Variants in ACCSL observed in about 807,000 individuals in gnomAD.
ACCSL encodes 1-aminocyclopropane-1-carboxylate synthase homolog (inactive) like.
A neutral mutation model predicts 61.7 loss-of-function variants in ACCSL; 55 were observed. The ratio of observed to expected loss-of-function variants is 0.89; its 90% CI spans 0.72 to 1.12. The LOEUF (loss-of-function observed/expected upper bound fraction) is 1.12, where lower values mean the gene tolerates loss of function less well. Ranked by LOEUF, ACCSL falls within the 50% of genes most tolerant of loss-of-function variation. ACCSL has a pLI of 0.00. For missense variants in ACCSL, 632 were observed against 698.0 expected (o/e 0.91, Z 1.07); for synonymous variants, 258 against 264.3 (o/e 0.98, Z 0.23).
chr11:44,054,025 CA>C (rs1438886459), intron 8 of ACCSL, among the ~76,000 whole-genome samples: 1 of 152,186 alleles, frequency 6.6e-6, no homozygotes, highest in Non-Finnish European at 1.5e-5. Context: ...ATTTATATAA[CA>C]GTCAAAATAT....
At chr11:44,028,100 A>T in the ACCSL span, among the ~76,000 whole-genome samples, 2 of 152,036 alleles carry the variant, frequency 1.3e-5, no homozygotes, top group Admixed American at 6.5e-5. Flanking sequence ...TAGGATTTTG[A>T]GGCTGCAGTA....
At chr11:43,956,292 C>G in the ACCSL span, among the ~76,000 whole-genome samples, 1 of 152,138 alleles carries the variant, frequency 6.6e-6, no homozygotes, top group Non-Finnish European at 1.5e-5. Flanking sequence ...TGCTATAGTT[C>G]ACAATGTACA....
the ACCSL span, among the ~76,000 whole-genome samples, chr11:44,011,323 A>T: frequency 6.6e-6 from 1 of 152,176 alleles, no homozygotes; most frequent in Non-Finnish European, 1.5e-5. Flanking sequence ...TCGTGGTCCT[A>T]GCTATGGATT....
At chr11:43,942,880 C>T in the ACCSL span, 6 of 1,292,002 alleles carry the variant, frequency 4.6e-6, no homozygotes, top group Non-Finnish European at 5.9e-6. Context: ...CCCCGCCGCC[C>T]GGCCCCGCAG....
At chr11:44,021,317 A>G in the ACCSL span, among the ~76,000 whole-genome samples, 1 of 152,094 alleles carries the variant, frequency 6.6e-6, no homozygotes. Flanking sequence ...CCATTCTTGC[A>G]GGAGTTAGGC....
the ACCSL span, among the ~76,000 whole-genome samples, chr11:44,006,394 T>C: frequency 1.3e-5 from 2 of 152,044 alleles, no homozygotes; most frequent in Non-Finnish European, 2.9e-5. Context: ...TGAGAGCCAG[T>C]GTGCATGGCT....
At chr11:44,042,626 GTT>G in the ACCSL span, among the ~76,000 whole-genome samples, 123 of 40,332 alleles carry the variant, frequency 3.0e-3, no homozygotes, top group Admixed American at 0.01. Context: ...CTTCCTGGTT[GTT>G]TTTTTTTTGT....
chr11:43,950,597 G>A, the ACCSL span, among the ~76,000 whole-genome samples: 1 of 152,174 alleles, frequency 6.6e-6, no homozygotes, highest in Non-Finnish European at 1.5e-5. Context: ...TAAGATAGTG[G>A]GTGTACCAGT....
the ACCSL span, among the ~76,000 whole-genome samples, chr11:44,027,834 G>A: frequency 6.6e-6 from 1 of 152,168 alleles, no homozygotes; most frequent in South Asian, 2.1e-4. Context: ...TTAGGACAAG[G>A]CATATATATA....
the ACCSL span, among the ~76,000 whole-genome samples, chr11:43,923,466 G>A: frequency 1.3e-5 from 2 of 152,058 alleles, no homozygotes; most frequent in African/African-American, 4.8e-5. Flanking sequence ...CCACCCACAC[G>A]CTCTCCTCAG....
chr11:44,027,796 T>G, the ACCSL span, among the ~76,000 whole-genome samples: 1 of 152,230 alleles, frequency 6.6e-6, no homozygotes, highest in Non-Finnish European at 1.5e-5. Flanking sequence ...GTATGCATAA[T>G]TTGTACACCA....
the ACCSL span, among the ~76,000 whole-genome samples, chr11:43,963,198 T>A: frequency 6.6e-6 from 1 of 152,310 alleles, no homozygotes; most frequent in African/African-American, 2.4e-5. Flanking sequence ...GTTCTATTCA[T>A]AGTGAAATAA....
At chr11:43,997,166 A>C in the ACCSL span, among the ~76,000 whole-genome samples, 1 of 151,622 alleles carries the variant, frequency 6.6e-6, no homozygotes, top group Non-Finnish European at 1.5e-5. Flanking sequence ...AAAAATCCCA[A>C]TGTCCAGGGG....
rs1361469612 is a variant in ACCSL at position 44,059,897 on chromosome 11, T to C, written c.1684T>C (p.Leu562=). 6.2e-7 allele frequency: 1 copy of C among 1,613,830 alleles called. No homozygotes were observed. The highest frequency in any genetic ancestry group is 1.1e-5 in the South Asian group (1 of 91,064). ...EQKEALIVKQ[L]EDAMRE is the part of the protein sequence containing the mutation. Reference sequence around the variant, plus strand: ...GAAGGAGGCTTTGATAGTGAAGCAGTTGGAGGATGCAATGAGGGAGTAGGC... The same window carrying C: ...GAAGGAGGCTTTGATAGTGAAGCAGCTGGAGGATGCAATGAGGGAGTAGGC... Residue 562 remains leucine (L), a synonymous_variant, in exon 14 of 14, where the codon TTG becomes CTG. Coordinates refer to ENST00000378832, the MANE Select transcript of ACCSL (RefSeq NM_001031854.2).
chr11:43,937,282 A>G, the ACCSL span, among the ~76,000 whole-genome samples: 5 of 152,228 alleles, frequency 3.3e-5, no homozygotes, highest in Non-Finnish European at 7.3e-5. Context: ...TACAGTGTCA[A>G]CAGACAAGAA....
the ACCSL span, among the ~76,000 whole-genome samples, chr11:44,022,611 T>C: frequency 6.6e-6 from 1 of 152,214 alleles, no homozygotes; most frequent in Admixed American, 6.5e-5. Flanking sequence ...TTTATTTCCT[T>C]TTCTTGTCTG....
the ACCSL span, among the ~76,000 whole-genome samples, chr11:43,952,851 C>A: frequency 8.3e-3 from 1,271 of 152,242 alleles, 16 homozygotes; most frequent in African/African-American, 0.029. Flanking sequence ...CACTTTGCTG[C>A]AGATGTGGCC....
At chr11:43,979,806 G>A in the ACCSL span, among the ~76,000 whole-genome samples, 6 of 139,462 alleles carry the variant, frequency 4.3e-5, no homozygotes, top group Non-Finnish European at 6.0e-5. Context: ...GAGATTGCGC[G>A]ACTGTGCTCC....
the ACCSL span, among the ~76,000 whole-genome samples, chr11:43,949,822 AC>A: frequency 0.01 from 1,288 of 124,844 alleles, 6 homozygotes; most frequent in Non-Finnish European, 0.015. Context: ...CTCAAAAAAA[AC>A]AAACAAACAA....
Sources: allele counts gnomAD v4.1 joint callset (sites outside exome capture counted in the v4.1 genomes callset), GRCh38; gene constraint gnomAD v4.1.1; transcripts MANE v1.5; gene names NCBI Gene and HGNC (gene_info 2026-07-23, HGNC 2026-07-21).